TECTA: variants seen among roughly 807,000 people sequenced by gnomAD.
The protein encoded by TECTA is alpha-tectorin.
TECTA carries 128 observed loss-of-function variants against 216.8 expected under a neutral mutation model. The observed-to-expected ratio is 0.59, with a 90% CI of 0.51 to 0.68. The LOEUF is 0.68. TECTA is among the 30% of genes least tolerant of loss of function. TECTA has a pLI of 0.00. For missense variants in TECTA, 2,551 were observed against 2,786.2 expected, an observed-to-expected ratio of 0.92 and a Z score of 1.90; for synonymous variants, 1,089 against 1,117.1, an observed-to-expected ratio of 0.97 and a Z score of 0.50.
chr11:121,118,363 G>T lies in TECTA; in HGVS notation c.848G>T (p.Cys283Phe). The change falls in exon 7 of 24, where the codon TGC (cysteine) becomes TTC (phenylalanine). Residue 283 changes from cysteine to phenylalanine, a missense_variant. Physicochemically the swap from Cys to Phe is radical, Grantham distance 205. Around this residue, in one of 3 missense-constraint regions of TECTA, gnomAD observed 2,375 missense variants for 2,563.9 expected, o/e 0.93. Transcript: ENST00000392793. Reference sequence around the variant, plus strand: ...GATGACTTGAACTGCACCGTCAAGTGCCGCTGTCTGGATTTCAACAATGAG... The same window carrying T: ...GATGACTTGAACTGCACCGTCAAGTTCCGCTGTCTGGATTTCAACAATGAG... ...FWDDLNCTVK[C>F]RCLDFNNEIY... 6.2e-7 allele frequency: 1 copy of T among 1,614,134 alleles called. No homozygotes were observed. Among genetic ancestry groups the T allele is most frequent in the Non-Finnish European group, 8.5e-7 (1 of 1,180,012 alleles).
intron 17 of TECTA, 98 bp from the exon 18 acceptor site, chr11:121,166,480 G>C: frequency 8.1e-7 from 1 of 1,241,400 alleles, no homozygotes; most frequent in South Asian, 1.2e-5. Context: ...GAGGTCATTT[G>C]CCTCTTCTAA....
chr11:121,125,325 G>T lies in TECTA; in HGVS notation c.1227G>T (p.Leu409Phe), dbSNP rs763783326. ...RVKVNDLVTSLPVTLDLGTVK... is the reference protein window; with the variant it reads ...RVKVNDLVTSFPVTLDLGTVK... ...AGGTTAATGACCTAGTGACTTCTTTGCCTGTCACCTTAGACTTGGGGACAG... is the reference window on the plus strand; with the variant it reads ...AGGTTAATGACCTAGTGACTTCTTTTCCTGTCACCTTAGACTTGGGGACAG... The change falls in exon 8 of 24, where the codon TTG becomes TTT. Residue 409 changes from leucine (L) to phenylalanine (F), a missense_variant. Leu to Phe is a conservative substitution (Grantham distance 22). Around this residue, in one of 3 missense-constraint regions of TECTA, gnomAD observed 2,375 missense variants for 2,563.9 expected, o/e 0.93. Coordinates refer to ENST00000392793, the MANE Select transcript of TECTA (RefSeq NM_005422.4). 63 of 1,613,692 alleles carry T rather than the reference G, an allele frequency of 3.9e-5. No homozygotes were observed. Among genetic ancestry groups the T allele is most frequent in the Non-Finnish European group, 5.2e-5 (61 of 1,180,052 alleles).
At chr11:121,104,620 T>G (rs1228516621) in intron 2 of TECTA, among the ~76,000 whole-genome samples, 2 of 152,084 alleles carry the variant, frequency 1.3e-5, no homozygotes, top group Non-Finnish European at 2.9e-5. Context: ...CTCCTCTCTT[T>G]TACATGAGCT....
intron 1 of TECTA, 126 bp from the exon 2 acceptor site, chr11:121,102,539 T>G: frequency 1.3e-6 from 1 of 756,640 alleles, no homozygotes; most frequent in Non-Finnish European, 2.4e-6. Context: ...GCACTGTTGA[T>G]GTTGTTATGT....
At chr11:121,135,767 G>A (rs138068164) in intron 10 of TECTA, among the ~76,000 whole-genome samples, 12 of 152,344 alleles carry the variant, frequency 7.9e-5, no homozygotes, top group African/African-American at 2.6e-4. Context: ...TTTTAAAGGC[G>A]AGATCTTATT....
At chr11:121,103,311 T>C (rs905373735) in intron 2 of TECTA, among the ~76,000 whole-genome samples, 5 of 152,226 alleles carry the variant, frequency 3.3e-5, no homozygotes, top group Non-Finnish European at 7.3e-5. Flanking sequence ...TTTTGGATTT[T>C]AGACAAAGAC....
Position 121,152,934 on chromosome 11 carries a change from C to G in TECTA, c.4159C>G (p.Pro1387Ala). 1 of 1,612,692 alleles carries G rather than the reference C, an allele frequency of 6.2e-7. No homozygotes were observed. The highest frequency in any genetic ancestry group is 8.5e-7 in the Non-Finnish European group (1 of 1,178,904). ...HYESCVSVCQ[P>A]RCAAIRLKSD... ...CGAGAGCTGCGTGAGTGTCTGCCAG[C>G]CCCGCTGCGCCGCCATCCGCCTGAA... Residue 1387 changes from proline (P) to alanine (A), a missense_variant, in exon 13 of 24, where the codon CCC becomes GCC. Pro to Ala is a conservative substitution (Grantham distance 27, BLOSUM62 -1). Coordinates refer to ENST00000392793, the MANE Select transcript of TECTA (RefSeq NM_005422.4).
intron 22 of TECTA, among the ~76,000 whole-genome samples, 185 bp downstream of exon 22, chr11:121,189,352 A>G: frequency 6.7e-6 from 1 of 149,506 alleles, no homozygotes; most frequent in South Asian, 2.1e-4. Flanking sequence ...CAGCAATGGC[A>G]TTGAGGTTTT....
At chr11:121,138,438 T>C (rs574678878) in intron 11 of TECTA, among the ~76,000 whole-genome samples, 1 of 152,302 alleles carries the variant, frequency 6.6e-6, no homozygotes, top group African/African-American at 2.4e-5. Context: ...CCCTAACTGA[T>C]GCTATTGTCC....
chr11:121,115,896 A>G (rs1480681120), intron 6 of TECTA, among the ~76,000 whole-genome samples: 1 of 152,128 alleles, frequency 6.6e-6, no homozygotes, highest in African/African-American at 2.4e-5. Context: ...GTCTCAAGCC[A>G]TCCTCCCATC....
intron 20 of TECTA, among the ~76,000 whole-genome samples, chr11:121,182,753 G>C (rs1947242911): frequency 6.6e-6 from 1 of 152,196 alleles, no homozygotes; most frequent in East Asian, 1.9e-4. Context: ...GCAACACGTT[G>C]GTTAGGCCTG....
chr11:121,109,496 C>A lies in TECTA; in HGVS notation c.484C>A (p.Pro162Thr). 1 of 1,614,142 alleles carries A rather than the reference C, an allele frequency of 6.2e-7. No individual in the cohort carries two copies. Among genetic ancestry groups the A allele is most frequent in the Non-Finnish European group, 8.5e-7 (1 of 1,180,022 alleles). The change falls in exon 4 of 24, where the codon CCT becomes ACT. Residue 162 changes from proline (P) to threonine (T), a missense_variant and splice_region_variant. Coordinates refer to ENST00000392793, the MANE Select transcript of TECTA (RefSeq NM_005422.4). Reference sequence around the variant, plus strand: ...GTTTTATGGAGGCAGCAGCACCACACCTGTAATAATTCAAATTTTCTGCTT... The same window carrying A: ...GTTTTATGGAGGCAGCAGCACCACAACTGTAATAATTCAAATTTTCTGCTT... Reference protein sequence around the residue: ...VTFYGGSSTTPVNTFQAVLVS... With the variant: ...VTFYGGSSTTTVNTFQAVLVS...
At chr11:121,119,462 A>G (rs1286286091) in intron 7 of TECTA, among the ~76,000 whole-genome samples, 1 of 152,210 alleles carries the variant, frequency 6.6e-6, no homozygotes, top group Non-Finnish European at 1.5e-5. Flanking sequence ...CTGGATTTCA[A>G]GCAGGGACAT....
intron 11 of TECTA, among the ~76,000 whole-genome samples, chr11:121,139,601 A>T (rs944194828): frequency 1.3e-5 from 2 of 152,066 alleles, no homozygotes; most frequent in African/African-American, 4.8e-5. Flanking sequence ...TGAGACAGAG[A>T]ATTGCTTGAA....
intron 11 of TECTA, among the ~76,000 whole-genome samples, chr11:121,139,525 T>A (rs1023078276): frequency 6.6e-6 from 1 of 152,162 alleles, no homozygotes; most frequent in Non-Finnish European, 1.5e-5. Flanking sequence ...AGCCCGTCTC[T>A]ATTAAAAATA....
In TECTA at chr11:121,165,295, T is replaced by C. The variant is rs1348557110; in HGVS notation, c.5295T>C (p.Cys1765=). Residue 1765 remains cysteine (C), a synonymous_variant, in exon 17 of 24, where the codon TGT becomes TGC. Coordinates refer to ENST00000392793, the MANE Select transcript of TECTA (RefSeq NM_005422.4). ...TAGCAGGAGTGGTTGAAGATCCCTG[T>C]GTGGGGGCGGACTGTCCCAACCGAA... ...ENCSGVVEDP[C]VGADCPNRTC... 3 of 1,607,072 alleles carry C rather than the reference T, an allele frequency of 1.9e-6. No individual in the cohort carries two copies. The highest frequency in any genetic ancestry group is 1.1e-5 in the South Asian group (1 of 88,916).
rs1565529370 is a variant in TECTA at position 121,145,751 on chromosome 11, AC to A, written c.3743del (p.Pro1248LeufsTer24). The A allele has an allele frequency of 3.7e-6, 6 of 1,614,230 alleles. No homozygotes were observed. The highest frequency in any genetic ancestry group is 5.1e-6 in the Non-Finnish European group (6 of 1,180,044). Reference sequence around the variant, plus strand: ...GGTCTGTGTGGCCGCTACAACGGCAACCCTGATGATGACCTGGAGATGCCCA... The same window carrying A: ...GGTCTGTGTGGCCGCTACAACGGCAACCTGATGATGACCTGGAGATGCCCA... ...TYGLCGRYNGNPDDDLEMPMG... is the reference protein window; with the variant it reads ...TYGLCGRYNGXPDDDLEMPMG... On this transcript the variant is annotated frameshift_variant, in exon 12 of 24. Transcript: ENST00000392793. LOFTEE classifies it high-confidence loss of function.
rs1285500846 is a variant in TECTA at position 121,118,307 on chromosome 11, A to C, written c.792A>C (p.Gly264=). ...GGCTCTAATGTCATTATTCCCCAGG[A>C]CAATTCCTTCGGCGAGGGGAGGTGT... The part of the protein sequence containing the change: ...IDPANGCTSR[G]QFLRRGEVFW... Residue 264 remains glycine (G), a splice_region_variant and synonymous_variant, in exon 7 of 24, where the codon GGA becomes GGC. Coordinates refer to ENST00000392793, the MANE Select transcript of TECTA (RefSeq NM_005422.4). 9.3e-6 allele frequency: 15 copies of C among 1,614,152 alleles called. No homozygotes were observed. Among genetic ancestry groups the C allele is most frequent in the Non-Finnish European group, 1.3e-5 (15 of 1,180,040 alleles).
intron 13 of TECTA, among the ~76,000 whole-genome samples, chr11:121,155,000 A>G (rs149014351): frequency 1.7e-4 from 26 of 152,360 alleles, no homozygotes; most frequent in African/African-American, 5.0e-4. Context: ...GCAGTTTTTC[A>G]TCAGAACCTC....
Sources: allele counts gnomAD v4.1 joint callset (sites outside exome capture counted in the v4.1 genomes callset), GRCh38; gene constraint gnomAD v4.1.1; regional missense constraint gnomAD v4.1.1; transcripts MANE v1.5; gene names NCBI Gene and HGNC (gene_info 2026-07-23, HGNC 2026-07-21).